Variants in PLEKHG4B observed in about 807,000 individuals in gnomAD.
PLEKHG4B encodes pleckstrin homology domain-containing family G member 4B.
In PLEKHG4B, 111 loss-of-function variants were observed where a neutral mutation model predicts 121.3. The ratio of observed to expected loss-of-function variants is 0.92; its 90% CI spans 0.78 to 1.07. The LOEUF is 1.07. PLEKHG4B is among the 50% of genes least tolerant of loss of function. PLEKHG4B has a pLI of 0.00. For synonymous variants in PLEKHG4B, 738 were observed against 725.0 expected, an observed-to-expected ratio of 1.02 and a Z score of -0.29; for missense variants, 1,831 against 1,757.8, an observed-to-expected ratio of 1.04 and a Z score of -0.74.
intron 16 of PLEKHG4B, among the ~76,000 whole-genome samples, chr5:172,400 G>A (rs971946292): frequency 9.8e-5 from 15 of 152,388 alleles, no homozygotes; most frequent in African/African-American, 3.6e-4. Context: ...AGCTTGAAGG[G>A]ATTTCTGTGG....
chr5:171,973 G>A (rs1736569149), intron 16 of PLEKHG4B, among the ~76,000 whole-genome samples: 1 of 152,212 alleles, frequency 6.6e-6, no homozygotes. Flanking sequence ...GGCTGCCCTG[G>A]CTGCCCCAAA....
intron 5 of PLEKHG4B, 118 bp from the exon 6 acceptor site, chr5:144,709 C>A: frequency 3.7e-6 from 3 of 813,112 alleles, no homozygotes; most frequent in East Asian, 2.6e-5. Flanking sequence ...GTATAGAGAA[C>A]CCCTAACTTC....
Position 156,852 on chromosome 5 carries a change from C to G in PLEKHG4B, c.2428C>G (p.Arg810Gly). Reference protein sequence around the residue: ...VHRLVLTSNNRLQQLEHLREL... With the variant: ...VHRLVLTSNNGLQQLEHLREL... ...CAGGCTGGTCCTCACCTCGAACAAT[C>G]GTCTCCAGCAGCTGGAGCACCTCCG... is the stretch of plus-strand genomic sequence containing the variant. Residue 810 changes from arginine (R) to glycine (G), a missense_variant, in exon 11 of 20, where the codon CGT becomes GGT. By Grantham distance (125) the Arg-to-Gly change is moderately radical. Coordinates refer to ENST00000637938, the MANE Select transcript of PLEKHG4B (RefSeq NM_052909.5). This position sits in a 1 kb window ranked among gnomAD's most constrained non-coding sequence, Gnocchi z 4.4. 3 of 1,607,090 alleles carry G rather than the reference C, an allele frequency of 1.9e-6. No homozygotes were observed. Among genetic ancestry groups the G allele is most frequent in the Non-Finnish European group, 2.5e-6 (3 of 1,177,388 alleles).
chr5:125,088 A>G (rs1213249233), intron 2 of PLEKHG4B, among the ~76,000 whole-genome samples: 1 of 152,196 alleles, frequency 6.6e-6, no homozygotes, highest in East Asian at 1.9e-4. Flanking sequence ...AGCTGAGATC[A>G]CACCACTCAA....
At chr5:104,059 A>G (rs1733900606) in intron 1 of PLEKHG4B, among the ~76,000 whole-genome samples, 1 of 150,940 alleles carries the variant, frequency 6.6e-6, no homozygotes, top group African/African-American at 2.4e-5. Context: ...CGATTCCTAA[A>G]CAACCTCAGC....
chr5:163,894 A>T (rs1051832165), intron 13 of PLEKHG4B, among the ~76,000 whole-genome samples: 1 of 152,238 alleles, frequency 6.6e-6, no homozygotes, highest in Non-Finnish European at 1.5e-5. Context: ...GAGTTACCTT[A>T]AAAATAACTT....
At chr5:158,397 CCT>C (rs1250204342) in intron 11 of PLEKHG4B, among the ~76,000 whole-genome samples, 2 of 144,932 alleles carry the variant, frequency 1.4e-5, no homozygotes, top group African/African-American at 2.6e-5. Context: ...CATCTCCTCT[CCT>C]CTCTCTGCCC....
In PLEKHG4B at chr5:155,438, G is replaced by T. The variant is rs773290909; in HGVS notation, c.2203G>T (p.Ala735Ser). 3.4e-5 allele frequency: 55 copies of T among 1,612,900 alleles called. No homozygotes were observed. In the Middle Eastern group the frequency reaches 6.6e-4, roughly 19 times the overall value. Residue 735 changes from alanine to serine, a missense_variant, in exon 9 of 20, where the codon GCC becomes TCC. Coordinates refer to ENST00000637938, the MANE Select transcript of PLEKHG4B (RefSeq NM_052909.5). ...GAACACCCACAGAACCCCAAGAACA[G>T]CCCAGGTGAGTCCTCAGACTTGCAG... ...SLNTHRTPRT[A>S]QEVAELIDQH...
Position 184,278 on chromosome 5 carries a change from C to G in PLEKHG4B, c.*1955C>G, listed in dbSNP as rs1053477. 2 of 151,976 alleles carry G rather than the reference C, an allele frequency of 1.3e-5. No homozygotes were observed. The highest frequency in any genetic ancestry group is 4.8e-5 in the African/African-American group (2 of 41,364). The allele number at this position is 151,976 out of a possible 1,614,324, so 9.4% of individuals were successfully genotyped here. On this transcript the variant is annotated 3_prime_UTR_variant, in exon 20 of 20. Transcript: ENST00000637938. Reference sequence around the variant, plus strand: ...CAGTGAACTCCAAACACAAGAGATACGAGTGCACATCATAATCAAATTGCA... The same window carrying G: ...CAGTGAACTCCAAACACAAGAGATAGGAGTGCACATCATAATCAAATTGCA...
At chr5:158,333 C>T (rs1358206836) in intron 11 of PLEKHG4B, among the ~76,000 whole-genome samples, 1 of 139,386 alleles carries the variant, frequency 7.2e-6, no homozygotes, top group Admixed American at 7.0e-5. Context: ...TCTGCCCATC[C>T]TGGGGGTCTC....
Position 154,921 on chromosome 5 carries a change from G to A in PLEKHG4B, c.2039G>A (p.Ser680Asn). The stretch of plus-strand genomic sequence containing the variant: ...AAGGCCGTGCACAAATTTGTTGACA[G>A]CTGCCAGCTGACCGCAGACCTCGAC... ...SLKAVHKFVD[S>N]CQLTADLDGS... is the part of the protein sequence containing the mutation. The change falls in exon 8 of 20, where the codon AGC becomes AAC. Residue 680 changes from serine (S) to asparagine (N), a missense_variant. Transcript: ENST00000637938. The A allele has an allele frequency of 2.5e-6, 4 of 1,613,940 alleles. No homozygotes were observed. Among genetic ancestry groups the A allele is most frequent in the Non-Finnish European group, 3.4e-6 (4 of 1,180,028 alleles).
chr5:157,025 T>C lies in PLEKHG4B; in HGVS notation c.2487+114T>C. 7.2e-7 allele frequency: 1 copy of C among 1,391,484 alleles called. No homozygotes were observed. The highest frequency in any genetic ancestry group is 1.2e-5 in the South Asian group (1 of 80,290). 86.2% of individuals were successfully genotyped at this position (1,391,484 alleles called of 1,614,324 possible). On this transcript the variant is annotated intron_variant, in intron 11 of 19. Coordinates refer to ENST00000637938, the MANE Select transcript of PLEKHG4B (RefSeq NM_052909.5). The surrounding 1 kb of genome is among the most constrained non-coding windows in gnomAD (Gnocchi z 4.6). ...TTAGGGCCTTGATCTGATTTCCATT[T>C]GGAATGAAATTATGTCAGGATAGGG... is the stretch of plus-strand genomic sequence containing the variant.
At chr5:181,387 G>GGGCA in intron 18 of PLEKHG4B, 127 bp from the exon 19 acceptor site, 1 of 979,174 alleles carries the variant, frequency 1.0e-6, no homozygotes, top group Non-Finnish European at 1.5e-6. Context: ...GCCCCTCGTG[G>GGGCA]GGCAGGGTGG....
chr5:156,923 A>C lies in PLEKHG4B; in HGVS notation c.2487+12A>C. 1 of 1,611,026 alleles carries C rather than the reference A, an allele frequency of 6.2e-7. No homozygotes were observed. ...AAGGGAATGACCAGGTCAGAGCTGCAGGAGGAAGGCGGCCCGGTCAGCATC... is the reference window on the plus strand; with the variant it reads ...AAGGGAATGACCAGGTCAGAGCTGCCGGAGGAAGGCGGCCCGGTCAGCATC... On this transcript the variant is annotated intron_variant, in intron 11 of 19. Transcript: ENST00000637938. The surrounding 1 kb of genome is among the most constrained non-coding windows in gnomAD (Gnocchi z 4.4).
At chr5:148,337 AG>A (rs1304396435) in intron 6 of PLEKHG4B, among the ~76,000 whole-genome samples, 5 of 141,878 alleles carry the variant, frequency 3.5e-5, no homozygotes. Context: ...AAACCCTAAC[AG>A]TTCCACAAAA....
chr5:121,650 T>G (rs1734473196), intron 2 of PLEKHG4B, among the ~76,000 whole-genome samples: 1 of 152,136 alleles, frequency 6.6e-6, no homozygotes, highest in Non-Finnish European at 1.5e-5. Flanking sequence ...ACAGTAAGAA[T>G]GACCGATGAC....
intron 2 of PLEKHG4B, among the ~76,000 whole-genome samples, chr5:122,409 ATTTATTTAT>A (rs1734495819): frequency 6.6e-6 from 1 of 151,504 alleles, no homozygotes; most frequent in African/African-American, 2.4e-5. Flanking sequence ...ATTTTTATTT[ATTTATTTAT>A]TTATTTATTT....
intron 9 of PLEKHG4B, 128 bp downstream of exon 9, chr5:155,571 T>C: frequency 1.4e-6 from 1 of 714,182 alleles, no homozygotes; most frequent in Non-Finnish European, 2.4e-6. Flanking sequence ...AAATCCTTTT[T>C]CATTTGTAGA....
chr5:149,600 G>A (rs1427197986), intron 6 of PLEKHG4B, among the ~76,000 whole-genome samples: 2 of 152,060 alleles, frequency 1.3e-5, no homozygotes, highest in African/African-American at 4.8e-5. Flanking sequence ...CAGAATGGGG[G>A]GAAATTTTGG....
Sources: gnomAD v4.1 joint callset for allele counts (sites outside exome capture counted in the v4.1 genomes callset) on GRCh38, gnomAD v4.1.1 for gene constraint, Gnocchi (gnomAD v3.1) non-coding constraint, MANE v1.5 for transcripts, NCBI Gene and HGNC (gene_info 2026-07-23, HGNC 2026-07-21) for gene names.